The following ZDHHC15 variants were observed in gnomAD, a reference collection of about 807,000 sequenced individuals.
ZDHHC15 encodes the protein palmitoyltransferase ZDHHC15.
Under a neutral mutation model 31.7 loss-of-function variants are expected in ZDHHC15, and 19 were observed. That is an observed-to-expected ratio of 0.60 (90% CI 0.42 to 0.88). ZDHHC15 has a LOEUF of 0.88. Ranked by LOEUF, ZDHHC15 falls within the 40% of genes least tolerant of loss-of-function variation. ZDHHC15 has a pLI of 0.00. For missense variants in ZDHHC15, 209 were observed against 251.2 expected (o/e 0.83, Z 1.14); for synonymous variants, 103 against 90.0 (o/e 1.14, Z -0.82).
chrX:75,453,320 C>A (rs960539745), intron 3 of ZDHHC15, among the ~76,000 whole-genome samples: 3 of 111,328 alleles, frequency 2.7e-5, no homozygotes, highest in African/African-American at 9.8e-5. Context: ...GACACATATA[C>A]CCTCCCAAGA....
At chrX:75,513,306 C>G (rs1264036009) in intron 1 of ZDHHC15, among the ~76,000 whole-genome samples, 3 of 111,713 alleles carry the variant, frequency 2.7e-5, no homozygotes, top group African/African-American at 6.5e-5. Flanking sequence ...TTTTTAATCT[C>G]AGAATGGATA....
At position 75,370,263 on chromosome X, in the gene ZDHHC15, G is replaced by C. The variant is rs967882170; in HGVS notation, c.*2715C>G. The C allele has an allele frequency of 9.0e-6, 1 of 111,140 alleles. No individual in the cohort carries two copies. The allele number at this position is 111,140 out of a possible 1,213,427, so 9.2% of individuals were successfully genotyped here. On this transcript the variant is annotated 3_prime_UTR_variant, in exon 12 of 12. Coordinates refer to ENST00000373367, the MANE Select transcript of ZDHHC15 (RefSeq NM_144969.3). ...ATGAGTATCAACAATTAGGGAATGA[G>C]ATTCCACAGAGGTTATTGGACAGGG... is the stretch of plus-strand genomic sequence containing the variant.
At chrX:75,394,250 C>A (rs752287649) in intron 10 of ZDHHC15, among the ~76,000 whole-genome samples, 2 of 110,376 alleles carry the variant, frequency 1.8e-5, no homozygotes, top group Non-Finnish European at 3.8e-5. Flanking sequence ...GAGAAAATCA[C>A]CTTTACTTAA....
intron 10 of ZDHHC15, among the ~76,000 whole-genome samples, chrX:75,388,049 G>T (rs2083198610): frequency 8.9e-6 from 1 of 112,007 alleles, no homozygotes; most frequent in Non-Finnish European, 1.9e-5. Flanking sequence ...CTACTGAGGG[G>T]CAGGGAGCAG....
chrX:75,494,272 T>G (rs1253111395), intron 2 of ZDHHC15, among the ~76,000 whole-genome samples: 8 of 110,889 alleles, frequency 7.2e-5, no homozygotes, highest in African/African-American at 9.9e-5. Context: ...CACTGCTCAA[T>G]GAAATAAAAG....
chrX:75,508,651 G>A (rs1284168937), intron 1 of ZDHHC15, among the ~76,000 whole-genome samples: 1 of 110,339 alleles, frequency 9.1e-6, no homozygotes, highest in Non-Finnish European at 1.9e-5. Context: ...ATAATCCTCT[G>A]GGTATATACC....
At chrX:75,407,125 C>T (rs964528563) in intron 10 of ZDHHC15, among the ~76,000 whole-genome samples, 30 of 111,835 alleles carry the variant, frequency 2.7e-4, no homozygotes, top group Non-Finnish European at 4.5e-4. Flanking sequence ...AAGTGAGGAG[C>T]GTCTCTGCCC....
intron 2 of ZDHHC15, among the ~76,000 whole-genome samples, chrX:75,481,520 C>G (rs907506082): frequency 8.9e-6 from 1 of 111,778 alleles, no homozygotes; most frequent in Non-Finnish European, 1.9e-5. Context: ...ATTATGGGTA[C>G]TGTTAAATAA....
intron 8 of ZDHHC15, among the ~76,000 whole-genome samples, chrX:75,422,967 C>A (rs754506019): frequency 2.8e-5 from 2 of 72,214 alleles, no homozygotes; most frequent in South Asian, 2.3e-3. Flanking sequence ...CCCCCCACCC[C>A]ACAACAGGCC....
At chrX:75,449,224 ACACACACACAC>A (rs2147906059) in intron 4 of ZDHHC15, among the ~76,000 whole-genome samples, 1 of 103,679 alleles carries the variant, frequency 9.6e-6, no homozygotes, top group East Asian at 3.0e-4. Flanking sequence ...ACACACACAC[ACACACACACAC>A]ACACACACAC....
intron 10 of ZDHHC15, among the ~76,000 whole-genome samples, chrX:75,381,130 C>T (rs2083110277): frequency 9.0e-6 from 1 of 111,191 alleles, no homozygotes; most frequent in Admixed American, 9.6e-5. Flanking sequence ...AAAATAGGGG[C>T]AATACTCTTT....
At chrX:75,505,620 C>T (rs1602749820) in intron 2 of ZDHHC15, among the ~76,000 whole-genome samples, 1 of 111,242 alleles carries the variant, frequency 9.0e-6, no homozygotes, top group Non-Finnish European at 1.9e-5. Context: ...ATTTCCAATT[C>T]TTGCCCTACA....
At chrX:75,397,245 C>G (rs774959672) in intron 10 of ZDHHC15, among the ~76,000 whole-genome samples, 6 of 109,284 alleles carry the variant, frequency 5.5e-5, no homozygotes. Context: ...GAGAATCACT[C>G]GAACCCAGGA....
Position 75,429,066 on chromosome X carries a change from T to A in ZDHHC15, c.603+12A>T, listed in dbSNP as rs2083746725. Reference sequence around the variant, plus strand: ...TTGTTCTAGGGGACCCTTCAGGATATTTTTAACTTACTCTCCAGTATTTGA... The same window carrying A: ...TTGTTCTAGGGGACCCTTCAGGATAATTTTAACTTACTCTCCAGTATTTGA... On this transcript the variant is annotated intron_variant, in intron 7 of 11. Coordinates refer to ENST00000373367, the MANE Select transcript of ZDHHC15 (RefSeq NM_144969.3). 1 of 1,207,086 alleles carries A rather than the reference T, an allele frequency of 8.3e-7. No individual in the cohort carries two copies.
intron 1 of ZDHHC15, among the ~76,000 whole-genome samples, chrX:75,510,477 T>TA: frequency 1.4e-5 from 1 of 69,922 alleles, no homozygotes; most frequent in East Asian, 5.5e-3. Flanking sequence ...GTTTCTTCTG[T>TA]TTTTTTTTTT....
At chrX:75,374,598 G>A (rs1009205012) in intron 11 of ZDHHC15, among the ~76,000 whole-genome samples, 1 of 109,479 alleles carries the variant, frequency 9.1e-6, no homozygotes, top group African/African-American at 3.3e-5. Flanking sequence ...AGCTTTATGT[G>A]TATGAGCAAA....
intron 3 of ZDHHC15, among the ~76,000 whole-genome samples, chrX:75,470,846 C>G (rs2084493438): frequency 9.0e-6 from 1 of 111,321 alleles, no homozygotes; most frequent in South Asian, 3.8e-4. Flanking sequence ...TGGGAAAGAC[C>G]AAATGGAAGC....
At chrX:75,407,518 G>A (rs1188018519) in intron 10 of ZDHHC15, among the ~76,000 whole-genome samples, 16 of 107,753 alleles carry the variant, frequency 1.5e-4, no homozygotes, top group Middle Eastern at 5.1e-3. Context: ...GGCAGCCCCC[G>A]CCCGGCCAGC....
intron 10 of ZDHHC15, among the ~76,000 whole-genome samples, chrX:75,393,873 A>G (rs185286975): frequency 8.9e-6 from 1 of 111,972 alleles, no homozygotes; most frequent in East Asian, 2.8e-4. Context: ...AAACTGAAGA[A>G]CTTGGAGTCT....
Sources: gnomAD v4.1 joint callset for allele counts (sites outside exome capture counted in the v4.1 genomes callset) on GRCh38, gnomAD v4.1.1 for gene constraint, MANE v1.5 for transcripts, NCBI Gene and HGNC (gene_info 2026-07-23, HGNC 2026-07-21) for gene names.